Variants in RAB14 observed in about 807,000 individuals in gnomAD.
RAB14 encodes ras-related protein Rab-14.
A neutral mutation model predicts 31.1 loss-of-function variants in RAB14; 3 were observed. The observed-to-expected ratio is 0.10, with a 90% CI of 0.04 to 0.25. RAB14 has a LOEUF of 0.25. RAB14 is among the 10% of genes least tolerant of loss of function. The pLI, the probability that RAB14 is intolerant of heterozygous loss-of-function variation, is 1.00. For synonymous variants in RAB14, 85 were observed against 84.9 expected (o/e 1.00, Z 0.00); for missense variants, 111 against 260.1 (o/e 0.43, Z 3.94).
chr9:121,193,489 A>G, intron 1 of RAB14, 70 bp from the exon 2 acceptor site: 1 of 964,622 alleles, frequency 1.0e-6, no homozygotes, highest in Non-Finnish European at 1.6e-6. Flanking sequence ...GATGACTGAT[A>G]TCCTTTAAAG....
chr9:121,187,757 T>C (rs546069130), intron 4 of RAB14, among the ~76,000 whole-genome samples: 15 of 152,152 alleles, frequency 9.9e-5, no homozygotes, highest in African/African-American at 2.9e-4. Flanking sequence ...ATATTTGTAA[T>C]ATCATACACA....
intron 1 of RAB14, among the ~76,000 whole-genome samples, chr9:121,193,705 TA>T (rs556736183): frequency 6.4e-4 from 97 of 152,062 alleles, no homozygotes; most frequent in Non-Finnish European, 1.1e-3. Flanking sequence ...AAGTATAATT[TA>T]AAAAAAATCC....
rs143547912 is a variant in RAB14 at position 121,197,852 on chromosome 9, A to G, written c.-8+3787T>C. ...TTTTTACAGCAAAAAACTGGAAATA[A>G]TCAGCAAAGAAATGACTGAATAAAG... is the stretch of plus-strand genomic sequence containing the variant. On this transcript the variant is annotated intron_variant, in intron 1 of 7. Transcript: ENST00000373840. Among the ~76,000 whole-genome samples, 806 of 152,330 alleles carry G rather than the reference A, an allele frequency of 5.3e-3. 8 individuals carry two copies. Among genetic ancestry groups the G allele is most frequent in the Middle Eastern group, 0.014 (4 of 294 alleles).
Position 121,193,367 on chromosome 9 carries a change from T to C in RAB14, c.46A>G (p.Ile16Val), listed in dbSNP as rs765303494. ...YNYSYIFKYI[I>V]IGDMGVGKSC... ...GTAAGTTAAATAAACTTACCAATAA[T>C]AATATATTTAAAGATGTAAGAGTAG... The change falls in exon 2 of 8, where the codon ATT becomes GTT. Residue 16 changes from isoleucine to valine, a missense_variant. By Grantham distance (29) the Ile-to-Val change is conservative. Coordinates refer to ENST00000373840, the MANE Select transcript of RAB14 (RefSeq NM_016322.4). 6.3e-7 allele frequency: 1 copy of C among 1,578,196 alleles called. No individual in the cohort carries two copies. Among genetic ancestry groups the C allele is most frequent in the South Asian group, 1.2e-5 (1 of 86,034 alleles).
intron 1 of RAB14, among the ~76,000 whole-genome samples, chr9:121,198,961 CA>C (rs1321395144): frequency 6.6e-6 from 1 of 151,910 alleles, no homozygotes; most frequent in Non-Finnish European, 1.5e-5. Flanking sequence ...TTACTTTTGA[CA>C]ATATACTTAA....
At chr9:121,192,685 G>C (rs868816841) in intron 2 of RAB14, among the ~76,000 whole-genome samples, 3 of 151,956 alleles carry the variant, frequency 2.0e-5, no homozygotes, top group African/African-American at 7.2e-5. Context: ...ATTATTCTAT[G>C]AAAGAAAAGA....
chr9:121,181,879 C>T (rs1044325249), intron 7 of RAB14, among the ~76,000 whole-genome samples: 3 of 149,962 alleles, frequency 2.0e-5, no homozygotes, highest in Non-Finnish European at 3.0e-5. Context: ...TCCCGAGTAG[C>T]TGGGACTACA....
chr9:121,191,406 T>C (rs113425406), intron 3 of RAB14, among the ~76,000 whole-genome samples: 17 of 152,216 alleles, frequency 1.1e-4, no homozygotes, highest in African/African-American at 3.4e-4. Flanking sequence ...AGCACAAGCA[T>C]AGCTCACTGT....
chr9:121,193,196 CA>C (rs1001152941), intron 2 of RAB14, among the ~76,000 whole-genome samples, 164 bp downstream of exon 2: 46 of 152,212 alleles, frequency 3.0e-4, no homozygotes, highest in African/African-American at 9.6e-4. Flanking sequence ...GGCCACAATG[CA>C]AAAGCTGCAT....
rs149308322 is a variant in RAB14, at chr9:121,199,102, G to A, written c.-8+2537C>T. ...AATACTGGACCTCTGTTTACAGAAAGAAAGCACTTAACAACCAAAAAGCCA... is the reference window on the plus strand; with the variant it reads ...AATACTGGACCTCTGTTTACAGAAAAAAAGCACTTAACAACCAAAAAGCCA... On this transcript the variant is annotated intron_variant, in intron 1 of 7. Coordinates refer to ENST00000373840, the MANE Select transcript of RAB14 (RefSeq NM_016322.4). Among the ~76,000 whole-genome samples the A allele has an allele frequency of 5.4e-3, 824 of 152,174 alleles. 6 individuals are homozygous for A. Among genetic ancestry groups the A allele is most frequent in the African/African-American group, 0.019 (779 of 41,520 alleles).
At chr9:121,193,226 T>A in intron 2 of RAB14, 135 bp downstream of exon 2, 1 of 600,048 alleles carries the variant, frequency 1.7e-6, no homozygotes, top group South Asian at 2.2e-5. Flanking sequence ...CAAAAATAAA[T>A]CTTATAAAAG....
chr9:121,185,848 T>C (rs1217826977), intron 5 of RAB14, among the ~76,000 whole-genome samples: 2 of 152,140 alleles, frequency 1.3e-5, no homozygotes. Flanking sequence ...AGTTCTGGGC[T>C]ACTGGAAATA....
chr9:121,182,773 GAAGC>G (rs2053640021), intron 7 of RAB14, among the ~76,000 whole-genome samples, 153 bp downstream of exon 7: 1 of 152,148 alleles, frequency 6.6e-6, no homozygotes, highest in African/African-American at 2.4e-5. Context: ...TGTAAAAAAG[GAAGC>G]AAAGAGATGT....
rs1190133413 is a variant in RAB14, at chr9:121,180,404, C to G, written c.*992G>C. On this transcript the variant is annotated 3_prime_UTR_variant, in exon 8 of 8. Coordinates refer to ENST00000373840, the MANE Select transcript of RAB14 (RefSeq NM_016322.4). ...ACAAAAAGAGAAAAGCAGGTTAGCA[C>G]ATTGTCGATTGCACAAGAACAGTTA... 6.5e-6 allele frequency: 1 copy of G among 152,678 alleles called. No individual in the cohort carries two copies. The highest frequency in any genetic ancestry group is 2.4e-5 in the African/African-American group (1 of 41,460). 9.5% of individuals were successfully genotyped at this position (152,678 alleles called of 1,614,324 possible). A position where few individuals can be genotyped will look rare whatever the true frequency, so the allele number is the denominator to read the frequency against.
At chr9:121,185,048 C>T (rs1242618250) in intron 5 of RAB14, among the ~76,000 whole-genome samples, 1 of 152,132 alleles carries the variant, frequency 6.6e-6, no homozygotes, top group Non-Finnish European at 1.5e-5. Flanking sequence ...ACAACTTCTA[C>T]ACAGAAATCA....
intron 5 of RAB14, among the ~76,000 whole-genome samples, chr9:121,186,505 T>C (rs190339168): frequency 4.3e-4 from 66 of 152,292 alleles, no homozygotes; most frequent in African/African-American, 1.5e-3. Context: ...CTTTTTATTT[T>C]TGACTGAAAT....
chr9:121,190,873 ATT>A, intron 3 of RAB14, 142 bp from the exon 4 acceptor site: 2 of 764,916 alleles, frequency 2.6e-6, no homozygotes, highest in Non-Finnish European at 4.0e-6. Context: ...TAAAAAAAAA[ATT>A]AACAAACACC....
intron 2 of RAB14, among the ~76,000 whole-genome samples, chr9:121,192,964 A>G (rs1192270730): frequency 6.6e-6 from 1 of 152,160 alleles, no homozygotes; most frequent in African/African-American, 2.4e-5. Flanking sequence ...TATTTTATAT[A>G]TATTACACAA....
chr9:121,192,883 G>A (rs924647535), intron 2 of RAB14, among the ~76,000 whole-genome samples: 2 of 151,974 alleles, frequency 1.3e-5, no homozygotes, highest in Non-Finnish European at 1.5e-5. Flanking sequence ...TGGATAAATA[G>A]CATTAAGACT....
Sources: allele counts gnomAD v4.1 joint callset (sites outside exome capture counted in the v4.1 genomes callset), GRCh38; gene constraint gnomAD v4.1.1; transcripts MANE v1.5; gene names NCBI Gene and HGNC (gene_info 2026-07-23, HGNC 2026-07-21).